FAM210A: variants seen among roughly 807,000 people sequenced by gnomAD.
FAM210A encodes family with sequence similarity 210 member A.
FAM210A carries 13 observed loss-of-function variants against 25.3 expected under a neutral mutation model. The ratio of observed to expected loss-of-function variants is 0.51; its 90% CI spans 0.33 to 0.82. The LOEUF is 0.82. FAM210A is among the 40% of genes least tolerant of loss of function. The pLI, the probability that FAM210A is intolerant of heterozygous loss-of-function variation, is 0.02. For missense variants in FAM210A, 319 were observed against 323.2 expected (o/e 0.99, Z 0.10); for synonymous variants, 125 against 118.7 (o/e 1.05, Z -0.35).
chr18:13,677,069 ATTTTT>A (rs59935007), intron 2 of FAM210A, among the ~76,000 whole-genome samples: 7 of 137,194 alleles, frequency 5.1e-5, no homozygotes, highest in African/African-American at 2.0e-4. Flanking sequence ...CTGTCCCTCT[ATTTTT>A]TTTTTTTTTT....
At chr18:13,725,199 G>A (rs967967789) in intron 1 of FAM210A, among the ~76,000 whole-genome samples, 5 of 152,196 alleles carry the variant, frequency 3.3e-5, no homozygotes, top group African/African-American at 1.2e-4. Flanking sequence ...TCTAATGCTT[G>A]TATATGCCTA....
intron 1 of FAM210A, among the ~76,000 whole-genome samples, 186 bp downstream of exon 1, chr18:13,726,143 G>T (rs907696480): frequency 5.3e-5 from 8 of 152,070 alleles, no homozygotes; most frequent in Non-Finnish European, 7.4e-5. Flanking sequence ...TCGGCCGCCG[G>T]GGTCTGTGGG....
intron 3 of FAM210A, 51 bp downstream of exon 3, chr18:13,671,811 A>G (rs1355929612): frequency 7.1e-6 from 8 of 1,124,100 alleles, no homozygotes; most frequent in Non-Finnish European, 9.4e-6. Context: ...GAAAGTGAGC[A>G]GGTCACCACC....
intron 1 of FAM210A, among the ~76,000 whole-genome samples, chr18:13,722,232 G>T (rs1343530452): frequency 6.6e-6 from 1 of 151,490 alleles, no homozygotes; most frequent in Non-Finnish European, 1.5e-5. Context: ...TTGTTGCTTT[G>T]ACTCCGCTGT....
intron 2 of FAM210A, among the ~76,000 whole-genome samples, chr18:13,681,005 A>G (rs2043548645): frequency 6.6e-6 from 1 of 152,218 alleles, no homozygotes; most frequent in African/African-American, 2.4e-5. Context: ...GACTTGGGTA[A>G]TATCAATGCA....
At chr18:13,700,857 T>C (rs535815389) in intron 1 of FAM210A, among the ~76,000 whole-genome samples, 1 of 152,206 alleles carries the variant, frequency 6.6e-6, no homozygotes, top group African/African-American at 2.4e-5. Context: ...CAACCACTCA[T>C]AGACTGCTAA....
intron 3 of FAM210A, 137 bp from the exon 4 acceptor site, chr18:13,666,850 T>C (rs2043405347): frequency 1.4e-6 from 1 of 699,124 alleles, no homozygotes; most frequent in Non-Finnish European, 2.4e-6. Context: ...GCTAATGTAG[T>C]AATATCCTAT....
At chr18:13,695,242 A>G (rs1212422028) in intron 1 of FAM210A, among the ~76,000 whole-genome samples, 1 of 152,212 alleles carries the variant, frequency 6.6e-6, no homozygotes, top group Non-Finnish European at 1.5e-5. Flanking sequence ...GTGGAGAAAT[A>G]GGAACACTTT....
Position 13,678,527 on chromosome 18 carries a change from C to T in FAM210A, c.473+3078G>A, listed in dbSNP as rs548775746. On this transcript the variant is annotated intron_variant, in intron 2 of 3. Transcript: ENST00000651643. ...CTGGTCTCGAACTCCTGACCTCAGACGATCCGCCTGCCTCAGCCTCCCAAA... is the reference window on the plus strand; with the variant it reads ...CTGGTCTCGAACTCCTGACCTCAGATGATCCGCCTGCCTCAGCCTCCCAAA... Among the ~76,000 whole-genome samples the T allele has an allele frequency of 7.2e-5, 11 of 152,258 alleles. No homozygotes were observed. The South Asian group carries it at 1.2e-3, about 17-fold the overall frequency.
chr18:13,674,011 C>T (rs1391523168), intron 2 of FAM210A, among the ~76,000 whole-genome samples: 1 of 148,620 alleles, frequency 6.7e-6, no homozygotes, highest in Non-Finnish European at 1.5e-5. Context: ...ACTTCATTTC[C>T]AGTTTCCTGA....
At chr18:13,676,071 G>C (rs1326902131) in intron 2 of FAM210A, among the ~76,000 whole-genome samples, 1 of 145,834 alleles carries the variant, frequency 6.9e-6, no homozygotes, top group Admixed American at 6.9e-5. Context: ...TTCCTGAGCC[G>C]TGGTGACTTC....
intron 1 of FAM210A, chr18:13,687,832 C>T (rs977793238): frequency 1.3e-5 from 2 of 152,214 alleles, no homozygotes; most frequent in Admixed American, 6.5e-5. Flanking sequence ...TTCTCTGAAA[C>T]TTGCCTCGGT....
chr18:13,717,598 T>C (rs1027870310), intron 1 of FAM210A, among the ~76,000 whole-genome samples: 1 of 152,050 alleles, frequency 6.6e-6, no homozygotes. Context: ...AAATCTACTA[T>C]CAAAAGTCTG....
intron 1 of FAM210A, among the ~76,000 whole-genome samples, chr18:13,719,765 A>G (rs1193714019): frequency 2.6e-5 from 4 of 152,184 alleles, no homozygotes; most frequent in Non-Finnish European, 5.9e-5. Flanking sequence ...CTGCTGTACC[A>G]AGGCAAAAAA....
chr18:13,687,318 T>C (rs1357167215), intron 1 of FAM210A, among the ~76,000 whole-genome samples: 1 of 152,018 alleles, frequency 6.6e-6, no homozygotes, highest in African/African-American at 2.4e-5. Context: ...CAGGTGATGG[T>C]TCAGCAATTA....
intron 1 of FAM210A, among the ~76,000 whole-genome samples, chr18:13,704,739 A>C (rs919326414): frequency 7.9e-5 from 12 of 152,190 alleles, no homozygotes; most frequent in Non-Finnish European, 1.3e-4. Flanking sequence ...AGTGAATGTT[A>C]ATATATATTC....
rs910638126 is a variant in FAM210A, at chr18:13,681,720, T to C, written c.358A>G (p.Ile120Val). 6 of 1,614,114 alleles carry C rather than the reference T, an allele frequency of 3.7e-6. No individual in the cohort carries two copies. The highest frequency in any genetic ancestry group is 5.1e-6 in the Non-Finnish European group (6 of 1,180,054). The change falls in exon 2 of 4, where the codon ATT (isoleucine) becomes GTT (valine). Residue 120 changes from isoleucine to valine, a missense_variant. Ile to Val is a conservative substitution (Grantham distance 29). Coordinates refer to ENST00000651643, the MANE Select transcript of FAM210A (RefSeq NM_152352.4). ...TTCTTGAATCGTTGATAAAGACTAA[T>C]AGATTTGTCTTGCAAAGGATCAGGC... ...EEPDPLQDKSISLYQRFKKTF... is the reference protein window; with the variant it reads ...EEPDPLQDKSVSLYQRFKKTF...
chr18:13,722,908 A>G (rs749694531), intron 1 of FAM210A, among the ~76,000 whole-genome samples: 28 of 151,264 alleles, frequency 1.9e-4, no homozygotes, highest in Non-Finnish European at 3.5e-4. Flanking sequence ...CAGTGGTGCA[A>G]TCTCGGCTCA....
chr18:13,699,305 C>G (rs746699480), intron 1 of FAM210A, among the ~76,000 whole-genome samples: 2 of 152,124 alleles, frequency 1.3e-5, no homozygotes, highest in African/African-American at 4.8e-5. Context: ...TGGGGGCTTT[C>G]TAATACCACA....
Sources: gnomAD v4.1 joint callset for allele counts (sites outside exome capture counted in the v4.1 genomes callset) on GRCh38, gnomAD v4.1.1 for gene constraint, MANE v1.5 for transcripts, NCBI Gene and HGNC (gene_info 2026-07-23, HGNC 2026-07-21) for gene names.